GRID1: variants seen among roughly 807,000 people sequenced by gnomAD.
GRID1 encodes glutamate receptor ionotropic, delta-1.
A neutral mutation model predicts 98.0 loss-of-function variants in GRID1; 28 were observed. The observed-to-expected ratio is 0.29, with a 90% CI of 0.21 to 0.39. The LOEUF is 0.39. Among genes scored for constraint, GRID1 ranks in the 10% least tolerant of loss-of-function variants. The pLI is 1.00. For missense variants in GRID1, 1,111 were observed against 1,340.5 expected (o/e 0.83, Z 2.67); for synonymous variants, 553 against 538.5 (o/e 1.03, Z -0.37).
chr10:85,755,903 G>T lies in GRID1; in HGVS notation c.1234-26289C>A, dbSNP rs529674941. Among the ~76,000 whole-genome samples, 18 of 152,122 alleles carry T rather than the reference G, an allele frequency of 1.2e-4. No individual in the cohort carries two copies. The South Asian group carries it at 3.7e-3, about 32-fold the overall frequency. ...ATACCTATCAGAGCCCTTCCCACAG[G>T]CCAAAGACATGTTGAGACCCTGCCA... is the stretch of plus-strand genomic sequence containing the variant. On this transcript the variant is annotated intron_variant, in intron 8 of 15. Coordinates refer to ENST00000327946, the MANE Select transcript of GRID1 (RefSeq NM_017551.3).
At chr10:86,078,735 G>A (rs182665665) in intron 4 of GRID1, among the ~76,000 whole-genome samples, 159 of 152,362 alleles carry the variant, frequency 1.0e-3, no homozygotes, top group Non-Finnish European at 1.9e-3. Context: ...GGGCTCGGGA[G>A]AGGCAGGAAG....
intron 2 of GRID1, among the ~76,000 whole-genome samples, chr10:86,322,964 G>A (rs1247167354): frequency 5.9e-5 from 9 of 151,318 alleles, no homozygotes; most frequent in Admixed American, 3.3e-4. Flanking sequence ...GTGTGGTGCC[G>A]CACACCTGTA....
intron 3 of GRID1, among the ~76,000 whole-genome samples, chr10:86,159,975 C>G (rs1350156971): frequency 2.6e-5 from 4 of 152,112 alleles, no homozygotes; most frequent in Non-Finnish European, 5.9e-5. Flanking sequence ...TTCATCATCA[C>G]CACCATCATC....
intron 4 of GRID1, among the ~76,000 whole-genome samples, chr10:85,940,322 AC>A (rs1363442998): frequency 6.6e-6 from 1 of 152,044 alleles, no homozygotes; most frequent in East Asian, 1.9e-4. Flanking sequence ...TGAGTTTCTA[AC>A]CCATGTGTAG....
intron 4 of GRID1, among the ~76,000 whole-genome samples, chr10:86,136,703 C>G (rs189474093): frequency 1.3e-5 from 2 of 152,210 alleles, no homozygotes; most frequent in African/African-American, 4.8e-5. Context: ...AGACTGAAGA[C>G]TACGGTGGGA....
intron 12 of GRID1, among the ~76,000 whole-genome samples, chr10:85,681,446 CA>C (rs1322962387): frequency 2.6e-5 from 4 of 152,068 alleles, no homozygotes; most frequent in African/African-American, 7.2e-5. Flanking sequence ...TTAGGTTGCC[CA>C]AAGTTTATTA....
At chr10:86,051,954 A>G (rs1034234484) in intron 4 of GRID1, among the ~76,000 whole-genome samples, 2 of 152,358 alleles carry the variant, frequency 1.3e-5, no homozygotes, top group South Asian at 2.1e-4. Flanking sequence ...CTTTATAGAT[A>G]CACTTGCAAA....
At chr10:85,865,960 G>T (rs1266336544) in intron 6 of GRID1, among the ~76,000 whole-genome samples, 729 of 7,906 alleles carry the variant, frequency 0.092, 22 homozygotes, top group Middle Eastern at 0.17. Context: ...TATATGGAGA[G>T]AGAGAGAGAG....
chr10:86,273,671 G>T (rs1255536960), intron 2 of GRID1, among the ~76,000 whole-genome samples: 1 of 152,104 alleles, frequency 6.6e-6, no homozygotes, highest in African/African-American at 2.4e-5. Context: ...CAGTGATGGT[G>T]AGCATTTTTT....
intron 4 of GRID1, among the ~76,000 whole-genome samples, chr10:86,062,388 G>A (rs549351844): frequency 2.0e-5 from 3 of 152,166 alleles, no homozygotes; most frequent in Middle Eastern, 6.8e-3. Context: ...CCCGGAGCTC[G>A]GTCTGACATC....
intron 2 of GRID1, among the ~76,000 whole-genome samples, chr10:86,345,247 C>T (rs1334987450): frequency 1.3e-5 from 2 of 152,218 alleles, no homozygotes; most frequent in Non-Finnish European, 2.9e-5. Context: ...TGTCATAAGC[C>T]AGCACCATCT....
rs116076270 is a variant in GRID1, at chr10:85,930,943, C to T, written c.727-14704G>A. Among the ~76,000 whole-genome samples the T allele has an allele frequency of 7.6e-3, 1,162 of 152,148 alleles. 18 individuals carry two copies. The highest frequency in any genetic ancestry group is 0.027 in the African/African-American group (1,116 of 41,464). The stretch of plus-strand genomic sequence containing the variant: ...TTCAGCCTTGACCTCCGGGATCAAG[C>T]AATCTCTCACCTCAGTCTCCCAAGC... On this transcript the variant is annotated intron_variant, in intron 4 of 15. Coordinates refer to ENST00000327946, the MANE Select transcript of GRID1 (RefSeq NM_017551.3).
chr10:85,959,060 T>C (rs1381935321), intron 4 of GRID1, among the ~76,000 whole-genome samples: 2 of 152,186 alleles, frequency 1.3e-5, no homozygotes, highest in African/African-American at 4.8e-5. Context: ...CATTGGTATT[T>C]TCCAACCTTC....
intron 5 of GRID1, among the ~76,000 whole-genome samples, chr10:85,878,032 G>A (rs559121017): frequency 2.4e-4 from 37 of 152,260 alleles, no homozygotes; most frequent in Non-Finnish European, 3.4e-4. Flanking sequence ...GATGGAAGAC[G>A]AAATGAATGA....
chr10:86,326,185 G>A (rs1305399112), intron 2 of GRID1, among the ~76,000 whole-genome samples: 1 of 151,928 alleles, frequency 6.6e-6, no homozygotes, highest in African/African-American at 2.4e-5. Context: ...GAAATGGGCA[G>A]GACCTACACA....
chr10:86,004,486 C>A (rs776227533), intron 4 of GRID1, among the ~76,000 whole-genome samples: 5 of 152,138 alleles, frequency 3.3e-5, no homozygotes, highest in African/African-American at 4.8e-5. Flanking sequence ...TTGAGTAAAG[C>A]AGATTGCCCT....
chr10:85,731,032 A>G (rs75401218), intron 8 of GRID1, among the ~76,000 whole-genome samples: 57 of 152,298 alleles, frequency 3.7e-4, no homozygotes, highest in Non-Finnish European at 6.6e-4. Flanking sequence ...TAAAGTAAAG[A>G]ATGCTTCTAC....
At chr10:86,025,238 A>T (rs1392567364) in intron 4 of GRID1, among the ~76,000 whole-genome samples, 1 of 152,216 alleles carries the variant, frequency 6.6e-6, no homozygotes. Context: ...GAATAGTAAC[A>T]GTACCAAGTC....
intron 8 of GRID1, among the ~76,000 whole-genome samples, chr10:85,845,980 G>A (rs1843001671): frequency 6.6e-6 from 1 of 152,106 alleles, no homozygotes; most frequent in Non-Finnish European, 1.5e-5. Flanking sequence ...TGATGAAAGG[G>A]GTGCACAGGG....
Sources: allele counts gnomAD v4.1 joint callset (sites outside exome capture counted in the v4.1 genomes callset), GRCh38; gene constraint gnomAD v4.1.1; transcripts MANE v1.5; gene names NCBI Gene and HGNC (gene_info 2026-07-23, HGNC 2026-07-21).